BACH2: variants seen among roughly 807,000 people sequenced by gnomAD.
BACH2 encodes the protein transcription regulator protein BACH2.
Under a neutral mutation model 61.8 loss-of-function variants are expected in BACH2, and 5 were observed. That is an observed-to-expected ratio of 0.08 (90% CI 0.04 to 0.17). The LOEUF is 0.17. Among genes scored for constraint, BACH2 ranks in the 10% least tolerant of loss-of-function variants. The pLI is 1.00. For missense variants in BACH2, 824 were observed against 1,091.1 expected (o/e 0.76, Z 3.45); for synonymous variants, 446 against 440.1 (o/e 1.01, Z -0.17).
At chr6:90,288,991 A>T (rs913186674) in intron 1 of BACH2, among the ~76,000 whole-genome samples, 48 of 152,300 alleles carry the variant, frequency 3.2e-4, no homozygotes, top group African/African-American at 1.2e-3. Context: ...TTTTGCCTTT[A>T]TATGCATCAC....
chr6:90,058,337 A>G (rs1780484618), intron 5 of BACH2, among the ~76,000 whole-genome samples: 1 of 152,228 alleles, frequency 6.6e-6, no homozygotes, highest in South Asian at 2.1e-4. Context: ...TAACAGACAA[A>G]CAGAGAGCCA....
At chr6:90,215,172 T>C (rs1769490809) in intron 3 of BACH2, among the ~76,000 whole-genome samples, 1 of 152,162 alleles carries the variant, frequency 6.6e-6, no homozygotes, top group Admixed American at 6.5e-5. Context: ...CACTATGGCC[T>C]GAGGGCGTTC....
intron 3 of BACH2, among the ~76,000 whole-genome samples, chr6:90,243,046 A>ATTTTTT (rs397886318): frequency 9.9e-6 from 1 of 101,230 alleles, no homozygotes; most frequent in Non-Finnish European, 2.0e-5. Context: ...TGCCCGGCTA[A>ATTTTTT]TTTTTTTTTT....
chr6:90,261,149 C>T (rs1771144457), intron 2 of BACH2, among the ~76,000 whole-genome samples: 1 of 152,154 alleles, frequency 6.6e-6, no homozygotes, highest in Non-Finnish European at 1.5e-5. Context: ...ACCTACAATC[C>T]CTTATCCATA....
intron 5 of BACH2, among the ~76,000 whole-genome samples, chr6:90,046,040 A>C (rs1001829287): frequency 2.0e-5 from 3 of 151,736 alleles, no homozygotes; most frequent in Non-Finnish European, 4.4e-5. Context: ...TAATACTCAA[A>C]ACAGGAAATA....
intron 5 of BACH2, among the ~76,000 whole-genome samples, chr6:90,060,259 G>A (rs1394416677): frequency 1.3e-5 from 2 of 151,268 alleles, no homozygotes; most frequent in East Asian, 1.9e-4. Context: ...GCATATTTTT[G>A]TTGCCTTTCA....
At chr6:90,228,433 T>C (rs752872036) in intron 3 of BACH2, among the ~76,000 whole-genome samples, 5 of 152,338 alleles carry the variant, frequency 3.3e-5, no homozygotes, top group African/African-American at 1.2e-4. Context: ...AAAAGCAACA[T>C]GTATTAAAAT....
chr6:90,057,970 T>C (rs1780460736), intron 5 of BACH2, among the ~76,000 whole-genome samples: 1 of 152,182 alleles, frequency 6.6e-6, no homozygotes, highest in African/African-American at 2.4e-5. Context: ...ATGGGACGTA[T>C]CTCAAAATAA....
chr6:90,222,550 C>T (rs1294835437), intron 3 of BACH2, among the ~76,000 whole-genome samples: 1 of 152,130 alleles, frequency 6.6e-6, no homozygotes, highest in African/African-American at 2.4e-5. Flanking sequence ...AATGAAAGCT[C>T]ACTGATTGTG....
intron 4 of BACH2, among the ~76,000 whole-genome samples, chr6:90,112,308 T>C (rs1783208178): frequency 2.0e-5 from 3 of 152,188 alleles, no homozygotes; most frequent in Admixed American, 2.0e-4. Flanking sequence ...TGTCAGATTT[T>C]CCAAGGTTGA....
At chr6:90,285,094 G>A (rs1320018749) in intron 1 of BACH2, among the ~76,000 whole-genome samples, 1 of 152,228 alleles carries the variant, frequency 6.6e-6, no homozygotes, top group Non-Finnish European at 1.5e-5. Context: ...ACAAAAGGAA[G>A]TTTATTTAGA....
intron 3 of BACH2, among the ~76,000 whole-genome samples, chr6:90,211,817 G>A (rs1769364522): frequency 1.3e-5 from 2 of 152,162 alleles, no homozygotes; most frequent in Admixed American, 6.5e-5. Flanking sequence ...GCCAACAAGA[G>A]CAAGCAGGTC....
intron 2 of BACH2, among the ~76,000 whole-genome samples, chr6:90,262,385 C>T (rs964867682): frequency 6.6e-6 from 1 of 152,166 alleles, no homozygotes; most frequent in Non-Finnish European, 1.5e-5. Flanking sequence ...TGTGGAGCCC[C>T]TTCCCATCCC....
At chr6:90,176,209 C>G (rs760747068) in intron 4 of BACH2, among the ~76,000 whole-genome samples, 1 of 152,178 alleles carries the variant, frequency 6.6e-6, no homozygotes, top group Non-Finnish European at 1.5e-5. Context: ...ACATATCCAA[C>G]ATGTACATTC....
chr6:90,111,404 C>G (rs776159644), intron 4 of BACH2, among the ~76,000 whole-genome samples: 5 of 152,244 alleles, frequency 3.3e-5, no homozygotes, highest in Non-Finnish European at 5.9e-5. Flanking sequence ...CTGCTTAAAA[C>G]TCCCACTTCA....
intron 5 of BACH2, among the ~76,000 whole-genome samples, chr6:90,079,715 T>G (rs891590874): frequency 6.6e-6 from 1 of 152,174 alleles, no homozygotes; most frequent in African/African-American, 2.4e-5. Context: ...CTGATTTGTA[T>G]GACTCTTATT....
rs536539273 is a variant in BACH2 at position 89,954,797 on chromosome 6, G to A, written c.244-2935C>T. 1.1e-4 allele frequency among the ~76,000 whole-genome samples: 16 copies of A among 152,216 alleles called. No individual in the cohort carries two copies. In the South Asian group the frequency reaches 1.5e-3, roughly 14 times the overall value. On this transcript the variant is annotated intron_variant, in intron 6 of 8. Transcript: ENST00000257749. ...TCAATGGCACTCCTTAGATCACTGAGGCTTAGGAAACTTCCTGAGCTTGAA... is the reference window on the plus strand; with the variant it reads ...TCAATGGCACTCCTTAGATCACTGAAGCTTAGGAAACTTCCTGAGCTTGAA...
At chr6:90,197,333 G>A (rs1216973281) in intron 4 of BACH2, among the ~76,000 whole-genome samples, 2 of 152,034 alleles carry the variant, frequency 1.3e-5, no homozygotes, top group Non-Finnish European at 2.9e-5. Flanking sequence ...TTCATACATA[G>A]CAATCCCACT....
chr6:90,174,578 T>C (rs1767926693), intron 4 of BACH2, among the ~76,000 whole-genome samples: 1 of 152,030 alleles, frequency 6.6e-6, no homozygotes, highest in Non-Finnish European at 1.5e-5. Flanking sequence ...AAAACTATCA[T>C]TACTTGTAAA....
Sources: gnomAD v4.1 joint callset for allele counts (sites outside exome capture counted in the v4.1 genomes callset) on GRCh38, gnomAD v4.1.1 for gene constraint, MANE v1.5 for transcripts, NCBI Gene and HGNC (gene_info 2026-07-23, HGNC 2026-07-21) for gene names.